The following MAN1C1 variants were observed in gnomAD, a reference collection of about 807,000 sequenced individuals.
MAN1C1 encodes the protein mannosidase alpha class 1C member 1, also known as mannosyl-oligosaccharide 1,2-alpha-mannosidase IC.
MAN1C1 carries 49 observed loss-of-function variants against 71.5 expected under a neutral mutation model. The ratio of observed to expected loss-of-function variants is 0.69; its 90% CI spans 0.54 to 0.87. The LOEUF is 0.87. Ranked by LOEUF, MAN1C1 falls within the 40% of genes least tolerant of loss-of-function variation. The probability of loss-of-function intolerance (pLI) is 0.00; values close to 1 mark genes in which losing one functional copy is unlikely to be tolerated. For synonymous variants in MAN1C1, 352 were observed against 343.7 expected (o/e 1.02, Z -0.27); for missense variants, 743 against 835.0 (o/e 0.89, Z 1.36).
At chr1:25,678,997 G>A (rs886864193) in intron 1 of MAN1C1, among the ~76,000 whole-genome samples, 5 of 152,126 alleles carry the variant, frequency 3.3e-5, no homozygotes, top group Admixed American at 3.3e-4. Flanking sequence ...AGAAGAGAGA[G>A]AGAGGAGACG....
intron 1 of MAN1C1, among the ~76,000 whole-genome samples, chr1:25,677,257 A>G (rs1016056791): frequency 1.3e-5 from 2 of 152,074 alleles, no homozygotes; most frequent in African/African-American, 2.4e-5. Context: ...GTATCTCTCT[A>G]TCATTGGAGC....
chr1:25,625,660 T>C (rs1271058401), intron 1 of MAN1C1, among the ~76,000 whole-genome samples: 1 of 151,982 alleles, frequency 6.6e-6, no homozygotes, highest in Non-Finnish European at 1.5e-5. Flanking sequence ...TCTCTCTTTC[T>C]CTATATATAA....
At chr1:25,718,499 G>A (rs2046713756) in intron 2 of MAN1C1, among the ~76,000 whole-genome samples, 1 of 152,174 alleles carries the variant, frequency 6.6e-6, no homozygotes, top group Non-Finnish European at 1.5e-5. Flanking sequence ...GTACTATTCA[G>A]TAGGTTTCAG....
At chr1:25,635,330 C>T (rs991199754) in intron 1 of MAN1C1, among the ~76,000 whole-genome samples, 2 of 151,604 alleles carry the variant, frequency 1.3e-5, no homozygotes, top group South Asian at 4.2e-4. Context: ...GAATTTTTTG[C>T]GGCATTTTTC....
chr1:25,716,283 C>T (rs1457501618), intron 2 of MAN1C1, among the ~76,000 whole-genome samples: 1 of 152,228 alleles, frequency 6.6e-6, no homozygotes, highest in Non-Finnish European at 1.5e-5. Context: ...CTTGGCCATA[C>T]TCAGATCTGC....
At chr1:25,678,280 A>G (rs1393507351) in intron 1 of MAN1C1, among the ~76,000 whole-genome samples, 3 of 152,202 alleles carry the variant, frequency 2.0e-5, no homozygotes, top group African/African-American at 4.8e-5. Flanking sequence ...ACTACTTTAC[A>G]TCTCCTACTT....
intron 2 of MAN1C1, among the ~76,000 whole-genome samples, chr1:25,718,062 C>G (rs905827401): frequency 5.3e-5 from 8 of 151,952 alleles, no homozygotes; most frequent in Non-Finnish European, 1.2e-4. Flanking sequence ...ATAGTTACAT[C>G]AAAATATTGG....
chr1:25,694,067 T>C (rs757459419), intron 2 of MAN1C1, among the ~76,000 whole-genome samples: 4 of 152,172 alleles, frequency 2.6e-5, no homozygotes, highest in Non-Finnish European at 4.4e-5. Flanking sequence ...TTTCAGTACA[T>C]TTTGTAGAAT....
At chr1:25,728,542 T>G (rs1414544548) in intron 2 of MAN1C1, among the ~76,000 whole-genome samples, 1 of 152,156 alleles carries the variant, frequency 6.6e-6, no homozygotes, top group African/African-American at 2.4e-5. Flanking sequence ...TTCTTGCTCA[T>G]GTAAAGTCAT....
chr1:25,735,204 G>GGCCA lies in MAN1C1; in HGVS notation c.638-11462_638-11459dup, dbSNP rs2046966498. 1.3e-5 allele frequency among the ~76,000 whole-genome samples: 2 copies of GGCCA among 152,214 alleles called. No individual in the cohort carries two copies. The highest frequency in any genetic ancestry group is 1.5e-5 in the Non-Finnish European group (1 of 68,038). On this transcript the variant is annotated intron_variant, in intron 2 of 11. Coordinates refer to ENST00000374332, the MANE Select transcript of MAN1C1 (RefSeq NM_020379.4). This position sits in a 1 kb window ranked among gnomAD's most constrained non-coding sequence, Gnocchi z 4.6. ...AGACCGAGACAGGTGGATCACTTGA[G>GGCCA]GCCAGGAGTTTGAGACAAGCCTGGC...
rs78077810 is a variant in MAN1C1, at chr1:25,686,268, A to C, written c.541-172A>C. 4.1e-4 allele frequency among the ~76,000 whole-genome samples: 62 copies of C among 152,328 alleles called. 1 individual carries two copies. In the East Asian group the frequency reaches 0.011, roughly 27 times the overall value. ...AAGAAGAATGACCTTCCCAGCAGCT[A>C]TAACTGTACAAATAAAATCATGTTG... On this transcript the variant is annotated intron_variant, in intron 1 of 11. Transcript: ENST00000374332.
At position 25,782,063 on chromosome 1, in the gene MAN1C1, C is replaced by T. The variant is rs2280999; in HGVS notation, c.1651-522C>T. 0.65 allele frequency among the ~76,000 whole-genome samples: 97,529 copies of T among 151,038 alleles called. 31,879 individuals carry two copies. The highest frequency in any genetic ancestry group is 0.79 in the Middle Eastern group (230 of 290). On this transcript the variant is annotated intron_variant, in intron 10 of 11. Transcript: ENST00000374332. The surrounding 1 kb of genome is among the most constrained non-coding windows in gnomAD (Gnocchi z 4.4). ...TCGCCCCACTGCCCTCCAGCCTGGG[C>T]GACAAAATGAGACCTTGTCTCAAGA...
At position 25,782,808 on chromosome 1, in the gene MAN1C1, C is replaced by G; in HGVS notation, c.1766+108C>G. 2 of 828,544 alleles carry G rather than the reference C, an allele frequency of 2.4e-6. No homozygotes were observed. The highest frequency in any genetic ancestry group is 5.2e-5 in the East Asian group (2 of 38,394). 51.3% of individuals were successfully genotyped at this position (828,544 alleles called of 1,614,324 possible). On this transcript the variant is annotated intron_variant, in intron 11 of 11. Transcript: ENST00000374332. This position sits in a 1 kb window ranked among gnomAD's most constrained non-coding sequence, Gnocchi z 4.4. ...GTTCTGTGGTCACAGGACGGGAGCC[C>G]AAAAGGGGTGAAGGGCTTGGGATCC...
rs767893888 is a variant in MAN1C1, at chr1:25,769,214, TAC to T, written c.1142-2439_1142-2438del. Among the ~76,000 whole-genome samples, 19 of 142,414 alleles carry T rather than the reference TAC, an allele frequency of 1.3e-4. No individual in the cohort carries two copies. Among genetic ancestry groups the T allele is most frequent in the African/African-American group, 4.0e-4 (15 of 37,148 alleles). The allele number at this position is 142,414 out of a possible 152,430, so 93.4% of individuals were successfully genotyped here. A position where few individuals can be genotyped will look rare whatever the true frequency, so the allele number is the denominator to read the frequency against. ...CGCCTCATGCACACACCCCACACAC[TAC>T]ACATAGTCCCCTCATACACTACACA... On this transcript the variant is annotated intron_variant, in intron 7 of 11. Coordinates refer to ENST00000374332, the MANE Select transcript of MAN1C1 (RefSeq NM_020379.4). The surrounding 1 kb of genome is among the most constrained non-coding windows in gnomAD (Gnocchi z 4.8).
chr1:25,630,879 C>T (rs1371572594), intron 1 of MAN1C1, among the ~76,000 whole-genome samples: 1 of 152,206 alleles, frequency 6.6e-6, no homozygotes, highest in Non-Finnish European at 1.5e-5. Context: ...CTTCCTCTTT[C>T]CCAATTTGGA....
intron 7 of MAN1C1, among the ~76,000 whole-genome samples, chr1:25,767,055 G>C (rs1258453353): frequency 6.6e-6 from 1 of 151,848 alleles, no homozygotes; most frequent in Admixed American, 6.6e-5. Flanking sequence ...AGAGTGGGCA[G>C]GGGTGCACCC....
At chr1:25,690,004 C>T (rs2046285902) in intron 2 of MAN1C1, among the ~76,000 whole-genome samples, 1 of 152,186 alleles carries the variant, frequency 6.6e-6, no homozygotes, top group Non-Finnish European at 1.5e-5. Context: ...GATGCCCAAG[C>T]CTGGTCTCCT....
rs1367691986 is a variant in MAN1C1, at chr1:25,783,688, G to A, written c.1792G>A (p.Asp598Asn). The change falls in exon 12 of 12, where the codon GAT (aspartate) becomes AAT (asparagine). Residue 598 changes from aspartate to asparagine, a missense_variant. Coordinates refer to ENST00000374332, the MANE Select transcript of MAN1C1 (RefSeq NM_020379.4). ...GTATCTCTATCTTCTGTTCTCTGAAGATGACTTGCTCTCCCTGGAAGACTG... is the reference window on the plus strand; with the variant it reads ...GTATCTCTATCTTCTGTTCTCTGAAAATGACTTGCTCTCCCTGGAAGACTG... ...LKYLYLLFSE[D>N]DLLSLEDWVF... 45 of 1,612,998 alleles carry A rather than the reference G, an allele frequency of 2.8e-5. No homozygotes were observed. Among genetic ancestry groups the A allele is most frequent in the Non-Finnish European group, 3.6e-5 (43 of 1,179,922 alleles).
intron 1 of MAN1C1, among the ~76,000 whole-genome samples, chr1:25,630,466 C>A (rs2045362484): frequency 6.6e-6 from 1 of 152,122 alleles, no homozygotes; most frequent in Admixed American, 6.5e-5. Context: ...TTTGGGATTG[C>A]ATTGAATCTG....
Sources: gnomAD v4.1 joint callset for allele counts (sites outside exome capture counted in the v4.1 genomes callset) on GRCh38, gnomAD v4.1.1 for gene constraint, Gnocchi (gnomAD v3.1) non-coding constraint, MANE v1.5 for transcripts, NCBI Gene and HGNC (gene_info 2026-07-23, HGNC 2026-07-21) for gene names.